The following AGBL4 variants were observed in gnomAD, a reference collection of about 807,000 sequenced individuals.
AGBL4 encodes cytosolic carboxypeptidase 6.
A neutral mutation model predicts 66.4 loss-of-function variants in AGBL4; 58 were observed. That is an observed-to-expected ratio of 0.87 (90% CI 0.71 to 1.09). AGBL4 has a LOEUF of 1.09. Ranked by LOEUF, AGBL4 falls within the 50% of genes least tolerant of loss-of-function variation. AGBL4 has a pLI of 0.00. For missense variants in AGBL4, 579 were observed against 631.0 expected (o/e 0.92, Z 0.88); for synonymous variants, 234 against 222.9 (o/e 1.05, Z -0.44).
intron 5 of AGBL4, among the ~76,000 whole-genome samples, chr1:49,015,295 TAGGG>T (rs1557561702): frequency 1.3e-5 from 2 of 151,932 alleles, no homozygotes; most frequent in Non-Finnish European, 2.9e-5. Context: ...GGGGGAATGG[TAGGG>T]TTTGAGAAAG....
At chr1:48,922,977 TTAA>T (rs1654219782) in intron 5 of AGBL4, among the ~76,000 whole-genome samples, 1 of 151,238 alleles carries the variant, frequency 6.6e-6, no homozygotes, top group Non-Finnish European at 1.5e-5. Flanking sequence ...ATTCAGCATA[TTAA>T]TAGTAGTTAT....
At chr1:48,781,742 C>G (rs1161699550) in intron 6 of AGBL4, among the ~76,000 whole-genome samples, 1 of 152,156 alleles carries the variant, frequency 6.6e-6, no homozygotes, top group African/African-American at 2.4e-5. Context: ...GAATCTTTAA[C>G]CTTATAGCAG....
chr1:49,093,823 T>C (rs1645042891), intron 4 of AGBL4, among the ~76,000 whole-genome samples: 1 of 152,202 alleles, frequency 6.6e-6, no homozygotes, highest in Non-Finnish European at 1.5e-5. Context: ...AATTTGCCTC[T>C]ACAGCTTTCC....
In AGBL4 at chr1:48,783,855, C is replaced by T. The variant is rs1458370279; in HGVS notation, c.634+83336G>A. Among the ~76,000 whole-genome samples the T allele has an allele frequency of 5.3e-5, 8 of 151,994 alleles. No homozygotes were observed. In the South Asian group the frequency reaches 1.7e-3, roughly 32 times the overall value. On this transcript the variant is annotated intron_variant, in intron 6 of 13. Transcript: ENST00000371839. ...AGTTAGAAGATCTTAAGGTAACATG[C>T]CAAGCACACAGGAAATTCTCAACAA...
chr1:49,503,552 C>A (rs896124421), intron 3 of AGBL4, among the ~76,000 whole-genome samples: 2 of 152,168 alleles, frequency 1.3e-5, no homozygotes, highest in Non-Finnish European at 2.9e-5. Context: ...TCTGTGAAAG[C>A]AGCCAGGATG....
intron 12 of AGBL4, 151 bp downstream of exon 12, chr1:48,539,491 T>C: frequency 1.9e-6 from 1 of 536,640 alleles, no homozygotes; most frequent in Non-Finnish European, 3.1e-6. Flanking sequence ...TATGCTCTTC[T>C]GCCCCATAAA....
chr1:48,892,629 G>C (rs1264791524), intron 5 of AGBL4, among the ~76,000 whole-genome samples: 2 of 152,202 alleles, frequency 1.3e-5, no homozygotes, highest in African/African-American at 4.8e-5. Context: ...AGGTAGGTGA[G>C]AGACAAACAG....
chr1:48,783,299 C>T (rs1645339443), intron 6 of AGBL4, among the ~76,000 whole-genome samples: 2 of 152,140 alleles, frequency 1.3e-5, no homozygotes, highest in Non-Finnish European at 2.9e-5. Context: ...CCAACTCATT[C>T]ATATGCACTC....
chr1:49,972,383 C>T (rs984651049), intron 1 of AGBL4, among the ~76,000 whole-genome samples: 2 of 151,980 alleles, frequency 1.3e-5, no homozygotes, highest in African/African-American at 4.8e-5. Context: ...CCATGTGTAC[C>T]CATTGTTTAG....
chr1:48,539,923 T>A (rs1644037515), intron 11 of AGBL4, among the ~76,000 whole-genome samples, 185 bp from the exon 12 acceptor site: 1 of 152,200 alleles, frequency 6.6e-6, no homozygotes, highest in Non-Finnish European at 1.5e-5. Flanking sequence ...ATTATCCTAA[T>A]TTTATAGATA....
rs182883313 is a variant in AGBL4 at position 49,815,493 on chromosome 1, A to G, written c.157+35903T>C. Among the ~76,000 whole-genome samples the G allele has an allele frequency of 2.4e-4, 36 of 152,240 alleles. No homozygotes were observed. The East Asian group carries it at 6.8e-3, about 29-fold the overall frequency. On this transcript the variant is annotated intron_variant, in intron 2 of 13. Coordinates refer to ENST00000371839, the MANE Select transcript of AGBL4 (RefSeq NM_032785.4). Reference sequence around the variant, plus strand: ...ACAACAAATATGGGAGTGCAGATATATTTTTGATATACTGATTTCCTCTCT... The same window carrying G: ...ACAACAAATATGGGAGTGCAGATATGTTTTTGATATACTGATTTCCTCTCT...
chr1:48,860,161 C>T (rs1647352056), intron 6 of AGBL4, among the ~76,000 whole-genome samples: 1 of 152,152 alleles, frequency 6.6e-6, no homozygotes, highest in South Asian at 2.1e-4. Context: ...CCTCATATTG[C>T]CTCCCTTCTA....
intron 2 of AGBL4, among the ~76,000 whole-genome samples, chr1:49,723,797 C>T (rs1010470326): frequency 2.6e-5 from 4 of 152,122 alleles, no homozygotes; most frequent in African/African-American, 9.7e-5. Flanking sequence ...CTCTAACACT[C>T]ACCAACCCAT....
At chr1:49,285,233 A>G (rs1365170241) in intron 3 of AGBL4, among the ~76,000 whole-genome samples, 1 of 152,238 alleles carries the variant, frequency 6.6e-6, no homozygotes, top group Non-Finnish European at 1.5e-5. Context: ...AAACCGCTCA[A>G]CTACATGGAA....
intron 3 of AGBL4, among the ~76,000 whole-genome samples, chr1:49,653,930 C>T (rs560582144): frequency 9.2e-5 from 14 of 151,944 alleles, no homozygotes; most frequent in Non-Finnish European, 1.9e-4. Context: ...ACTTCCCCAA[C>T]CTAGCAAGAT....
chr1:48,998,738 G>T (rs1456357444), intron 5 of AGBL4, among the ~76,000 whole-genome samples: 1 of 152,236 alleles, frequency 6.6e-6, no homozygotes, highest in Non-Finnish European at 1.5e-5. Context: ...CTGGCTGCCA[G>T]TGTAGACTGC....
Position 49,080,060 on chromosome 1 carries a change from G to A in AGBL4, c.378-34260C>T, listed in dbSNP as rs142217450. On this transcript the variant is annotated intron_variant, in intron 4 of 13. Transcript: ENST00000371839. ...GCGTATTTAATATTCTTAACTACCT[G>A]AAAATCCCCAATTAAAGTCTAGAGA... Among the ~76,000 whole-genome samples, 742 of 152,228 alleles carry A rather than the reference G, an allele frequency of 4.9e-3. 2 individuals are homozygous for A. Among genetic ancestry groups the A allele is most frequent in the Non-Finnish European group, 8.2e-3 (556 of 68,008 alleles).
chr1:49,818,686 T>A (rs1235615298), intron 2 of AGBL4, among the ~76,000 whole-genome samples: 3 of 152,132 alleles, frequency 2.0e-5, no homozygotes, highest in African/African-American at 7.2e-5. Flanking sequence ...CAATATGATA[T>A]GTGTATATGT....
chr1:49,304,761 T>C (rs1375969845), intron 3 of AGBL4, among the ~76,000 whole-genome samples: 2 of 152,192 alleles, frequency 1.3e-5, no homozygotes, highest in African/African-American at 4.8e-5. Context: ...TTACAAGAAT[T>C]GCTTTTCAAC....
Sources: allele counts gnomAD v4.1 joint callset (sites outside exome capture counted in the v4.1 genomes callset), GRCh38; gene constraint gnomAD v4.1.1; transcripts MANE v1.5; gene names NCBI Gene and HGNC (gene_info 2026-07-23, HGNC 2026-07-21).